MYO15B: variants seen among roughly 807,000 people sequenced by gnomAD.
MYO15B encodes myosin XVB.
In MYO15B, 207 loss-of-function variants were observed where a neutral mutation model predicts 119.3. That is an observed-to-expected ratio of 1.73 (90% CI 1.55 to 1.95). The LOEUF is 1.95. Among genes scored for constraint, MYO15B ranks in the 30% most tolerant of loss-of-function variants. The pLI is 0.00. For missense variants in MYO15B, 2,264 were observed against 1,203.1 expected, an observed-to-expected ratio of 1.88 and a Z score of -13.04; for synonymous variants, 966 against 498.9, an observed-to-expected ratio of 1.94 and a Z score of -12.48.
chr17:75,603,298 G>A (rs1357275026), exon 19 of MYO15B: 5 of 703,074 alleles, frequency 7.1e-6, no homozygotes, highest in Non-Finnish European at 1.0e-5. Flanking sequence ...TGCCCTTTGA[G>A]GCCTTCCTGG....
chr17:75,592,742 C>T, exon 9 of MYO15B: 1 of 702,690 alleles, frequency 1.4e-6, no homozygotes, highest in South Asian at 1.5e-5. Flanking sequence ...GCTGAAGGCA[C>T]TGCAGGGGCT....
chr17:75,611,834 C>A, intron 24 of MYO15B, 52 bp from the exon 25 acceptor site: 1 of 699,874 alleles, frequency 1.4e-6, no homozygotes, highest in South Asian at 1.5e-5. Flanking sequence ...GGTCCCAGGG[C>A]CAGGTACCAC....
chr17:75,595,612 C>G (rs2056805850), intron 12 of MYO15B, among the ~76,000 whole-genome samples: 1 of 152,212 alleles, frequency 6.6e-6, no homozygotes, highest in African/African-American at 2.4e-5. Flanking sequence ...GCTGTGTGCT[C>G]CAGGGCAGCC....
At chr17:75,591,555 C>T (rs952933033) in intron 4 of MYO15B, 46 bp from the exon 5 acceptor site, 1 of 702,006 alleles carries the variant, frequency 1.4e-6, no homozygotes, top group Non-Finnish European at 2.6e-6. Context: ...CTGGGGTGGT[C>T]CTATGTGCCC....
intron 22 of MYO15B, 172 bp from the exon 23 acceptor site, chr17:75,610,728 G>A: frequency 1.6e-6 from 1 of 612,442 alleles, no homozygotes; most frequent in East Asian, 2.7e-5. Context: ...CAGTGCTAAG[G>A]CTGGTGAGGG....
At chr17:75,588,253 C>T in exon 1 of MYO15B, 1 of 398,202 alleles carries the variant, frequency 2.5e-6, no homozygotes, top group Non-Finnish European at 4.4e-6. Context: ...CCCTGGTGGC[C>T]GCAGGAAGCC....
chr17:75,607,595 C>T (rs1248596843), intron 21 of MYO15B, among the ~76,000 whole-genome samples: 1 of 151,806 alleles, frequency 6.6e-6, no homozygotes, highest in Admixed American at 6.6e-5. Flanking sequence ...GGATTACAGG[C>T]ACCCACCACC....
exon 42 of MYO15B, chr17:75,617,864 C>G (rs1156644258): frequency 1.4e-6 from 1 of 702,834 alleles, no homozygotes; most frequent in Non-Finnish European, 2.6e-6. Flanking sequence ...CTCGCGCCCT[C>G]TGGCAGCGTG....
At position 75,589,239 on chromosome 17, in the gene MYO15B, G is replaced by A. The variant is rs964987277; in HGVS notation, c.1182G>A (p.Glu394=). ...TGCGGCGGCGGCCGCCAGAGGGCGA[G>A]GGGCAGGGTACCGGGCCACGGGCGA... The change falls in exon 1 of 64, where the codon GAG becomes GAA. Residue 394 remains glutamate (E), a synonymous_variant. Coordinates refer to ENST00000645453, the Ensembl canonical transcript of MYO15B. The surrounding 1 kb of genome is among the most constrained non-coding windows in gnomAD (Gnocchi z 4.2). 13 of 401,588 alleles carry A rather than the reference G, an allele frequency of 3.2e-5. No homozygotes were observed. Among genetic ancestry groups the A allele is most frequent in the Non-Finnish European group, 4.4e-5 (10 of 228,920 alleles). 24.9% of individuals were successfully genotyped at this position (401,588 alleles called of 1,614,324 possible).
exon 9 of MYO15B, chr17:75,592,788 C>T (rs2056561483): frequency 1.4e-6 from 1 of 702,820 alleles, no homozygotes; most frequent in East Asian, 2.7e-5. Flanking sequence ...GCCGTCTGGG[C>T]TGTGCTGGCC....
exon 31 of MYO15B, chr17:75,614,627 T>G (rs2148011763): frequency 1.4e-6 from 1 of 701,024 alleles, no homozygotes; most frequent in East Asian, 2.7e-5. Context: ...GCCCCCTCAC[T>G]GCCCCCAGGA....
At position 75,589,084 on chromosome 17, in the gene MYO15B, C is replaced by T; in HGVS notation, c.1027C>T (p.Leu343Phe). 2.5e-6 allele frequency: 1 copy of T among 394,620 alleles called. No homozygotes were observed. The highest frequency in any genetic ancestry group is 3.6e-5 in the East Asian group (1 of 27,772). 24.4% of individuals were successfully genotyped at this position (394,620 alleles called of 1,614,324 possible). A position where few individuals can be genotyped will look rare whatever the true frequency, so the allele number is the denominator to read the frequency against. ...GGCGGCCCTCCTGGTGGTCCGCAGG[C>T]TCCTCGCGAGGCCCCCGCCAGGCGC... Residue 343 changes from leucine to phenylalanine, a missense_variant, in exon 1 of 64, where the codon CTC (leucine) becomes TTC (phenylalanine). Coordinates refer to ENST00000645453, the Ensembl canonical transcript of MYO15B. This position sits in a 1 kb window ranked among gnomAD's most constrained non-coding sequence, Gnocchi z 4.2.
intron 21 of MYO15B, among the ~76,000 whole-genome samples, chr17:75,606,692 C>T (rs1463369954): frequency 1.3e-5 from 2 of 152,010 alleles, no homozygotes; most frequent in Non-Finnish European, 2.9e-5. Flanking sequence ...AGGCTGGTCT[C>T]GAACTCCCGA....
chr17:75,596,639 A>G, intron 13 of MYO15B, 84 bp downstream of exon 13: 2 of 690,804 alleles, frequency 2.9e-6, no homozygotes, highest in Non-Finnish European at 5.3e-6. Flanking sequence ...AAAGTTGGGA[A>G]CTGAGAGCTC....
At chr17:75,626,602 AGCCG>A (rs2059083482) in exon 64 of MYO15B, 1 of 652,172 alleles carries the variant, frequency 1.5e-6, no homozygotes, top group African/African-American at 1.8e-5. Context: ...AGCACAGCCC[AGCCG>A]GCCCACATGC....
At chr17:75,610,033 C>G in intron 21 of MYO15B, 133 bp from the exon 22 acceptor site, 3 of 522,388 alleles carry the variant, frequency 5.7e-6, no homozygotes. Context: ...CCTGTCGTTT[C>G]TGTGAAGCAT....
intron 19 of MYO15B, among the ~76,000 whole-genome samples, chr17:75,603,723 C>G (rs55663255): frequency 1.4e-3 from 55 of 38,798 alleles, no homozygotes; most frequent in Admixed American, 2.3e-3. Flanking sequence ...GCAGGAGGGG[C>G]GGGGAGGGGC....
intron 15 of MYO15B, 83 bp from the exon 16 acceptor site, chr17:75,602,434 T>C (rs1482782012): frequency 1.4e-6 from 1 of 702,518 alleles, no homozygotes; most frequent in South Asian, 1.5e-5. Flanking sequence ...TAGATTCTTC[T>C]CCTCCATATC....
exon 23 of MYO15B, chr17:75,610,949 T>C: frequency 4.3e-6 from 3 of 702,646 alleles, no homozygotes; most frequent in Non-Finnish European, 5.2e-6. Flanking sequence ...TTGGAGAGAG[T>C]GCCAAGCATG....
Sources: allele counts gnomAD v4.1 joint callset (sites outside exome capture counted in the v4.1 genomes callset), GRCh38; gene constraint gnomAD v4.1.1; non-coding constraint Gnocchi (gnomAD v3.1); transcripts MANE v1.5; gene names NCBI Gene and HGNC (gene_info 2026-07-23, HGNC 2026-07-21).